Variants in PMFBP1 observed in about 807,000 individuals in gnomAD.
PMFBP1 encodes polyamine-modulated factor 1-binding protein 1.
Under a neutral mutation model 137.8 loss-of-function variants are expected in PMFBP1, and 131 were observed. The observed-to-expected ratio is 0.95, with a 90% CI of 0.82 to 1.10. The LOEUF (loss-of-function observed/expected upper bound fraction) is 1.10. Among genes scored for constraint, PMFBP1 ranks in the 50% least tolerant of loss-of-function variants. The pLI, the probability that PMFBP1 is intolerant of heterozygous loss-of-function variation, is 0.00. For missense variants in PMFBP1, 1,199 were observed against 1,175.4 expected (o/e 1.02, Z -0.29); for synonymous variants, 490 against 450.4 (o/e 1.09, Z -1.11).
intron 5 of PMFBP1, among the ~76,000 whole-genome samples, chr16:72,148,241 A>G (rs1187431889): frequency 6.6e-6 from 1 of 152,114 alleles, no homozygotes; most frequent in Non-Finnish European, 1.5e-5. Flanking sequence ...GAAACTGGAA[A>G]CCATCATTCT....
chr16:72,177,706 T>C (rs920186129), upstream of PMFBP1, among the ~76,000 whole-genome samples: 1 of 152,240 alleles, frequency 6.6e-6, no homozygotes, highest in Non-Finnish European at 1.5e-5. Flanking sequence ...ACCAGTTTTT[T>C]CACTAATGTC....
At chr16:72,195,335 C>T in the PMFBP1 span, among the ~76,000 whole-genome samples, 1 of 152,036 alleles carries the variant, frequency 6.6e-6, no homozygotes, top group Non-Finnish European at 1.5e-5. Context: ...CTCCTTTTCA[C>T]AGATGTCAGA....
intron 3 of PMFBP1, chr16:72,164,359 G>A (rs1290129547): frequency 1.6e-6 from 2 of 1,256,108 alleles, no homozygotes. Context: ...CTACCCCAAT[G>A]GACACTGATA....
chr16:72,167,853 G>C (rs987764058), intron 2 of PMFBP1, among the ~76,000 whole-genome samples: 1 of 152,130 alleles, frequency 6.6e-6, no homozygotes, highest in Non-Finnish European at 1.5e-5. Context: ...GCACACTGAG[G>C]GCTCACTAAC....
intron 14 of PMFBP1, among the ~76,000 whole-genome samples, chr16:72,127,761 C>T (rs2042483597): frequency 6.6e-6 from 1 of 152,252 alleles, no homozygotes; most frequent in African/African-American, 2.4e-5. Context: ...ATTGATTCCT[C>T]ACTTTCTCTC....
intron 5 of PMFBP1, 51 bp downstream of exon 5, chr16:72,150,557 C>G: frequency 6.3e-7 from 1 of 1,575,836 alleles, no homozygotes; most frequent in Middle Eastern, 2.3e-4. Flanking sequence ...GAGGGGACCA[C>G]CTGGGAGCAC....
chr16:72,214,848 A>G, the PMFBP1 span, among the ~76,000 whole-genome samples: 13 of 152,220 alleles, frequency 8.5e-5, no homozygotes, highest in Non-Finnish European at 1.3e-4. Context: ...GACTTTAGCA[A>G]TGTATCTAAA....
At chr16:72,195,632 G>A in the PMFBP1 span, among the ~76,000 whole-genome samples, 5 of 152,206 alleles carry the variant, frequency 3.3e-5, no homozygotes, top group Admixed American at 3.3e-4. Context: ...AGACCTGGAC[G>A]TTATCTCCAG....
chr16:72,248,888 G>C, the PMFBP1 span, among the ~76,000 whole-genome samples: 1 of 152,210 alleles, frequency 6.6e-6, no homozygotes, highest in Admixed American at 6.5e-5. Context: ...ATCCATGGGA[G>C]GGCTGCACAT....
chr16:72,238,730 C>T, the PMFBP1 span, among the ~76,000 whole-genome samples: 1 of 152,152 alleles, frequency 6.6e-6, no homozygotes, highest in Non-Finnish European at 1.5e-5. Flanking sequence ...AAGATTGTCT[C>T]CAAAACATGG....
At chr16:72,241,786 T>C in the PMFBP1 span, among the ~76,000 whole-genome samples, 1 of 152,194 alleles carries the variant, frequency 6.6e-6, no homozygotes, top group African/African-American at 2.4e-5. Context: ...TGTATTAGGT[T>C]ATTTAATGGA....
rs756592615 is a variant in PMFBP1, at chr16:72,120,148, T to A, written c.2769-59A>T. On this transcript the variant is annotated intron_variant, in intron 19 of 20. Transcript: ENST00000237353. ...GGGCTGCTGGCTCTGGTTGGTTCCCTGCTAGAAAGGACAGATAAAGGTGTC... is the reference window on the plus strand; with the variant it reads ...GGGCTGCTGGCTCTGGTTGGTTCCCAGCTAGAAAGGACAGATAAAGGTGTC... 22 of 1,611,590 alleles carry A rather than the reference T, an allele frequency of 1.4e-5. No homozygotes were observed. In the South Asian group the frequency reaches 2.2e-4, roughly 16 times the overall value.
At chr16:72,243,980 T>G in the PMFBP1 span, among the ~76,000 whole-genome samples, 3 of 152,152 alleles carry the variant, frequency 2.0e-5, no homozygotes, top group African/African-American at 7.2e-5. Context: ...TAGAGATAAT[T>G]TCCAATTTTC....
At chr16:72,197,199 G>T in the PMFBP1 span, among the ~76,000 whole-genome samples, 1 of 152,272 alleles carries the variant, frequency 6.6e-6, no homozygotes, top group Non-Finnish European at 1.5e-5. Context: ...TGTGAGTCAT[G>T]GGATGCCCTC....
At chr16:72,185,404 T>C in the PMFBP1 span, among the ~76,000 whole-genome samples, 1 of 152,102 alleles carries the variant, frequency 6.6e-6, no homozygotes, top group Non-Finnish European at 1.5e-5. Context: ...TTCAGTTTCT[T>C]GGACACACAC....
intron 3 of PMFBP1, among the ~76,000 whole-genome samples, chr16:72,160,130 T>G (rs2043040282): frequency 6.6e-6 from 1 of 152,366 alleles, no homozygotes; most frequent in Admixed American, 6.5e-5. Flanking sequence ...CTTCCTTGCC[T>G]ATGTGGCCAC....
rs372757611 is a variant in PMFBP1, at chr16:72,165,534, T to C, written c.13-618A>G. On this transcript the variant is annotated intron_variant, in intron 2 of 20. Coordinates refer to ENST00000237353, the MANE Select transcript of PMFBP1 (RefSeq NM_031293.3). ...GGTTTACTTAAACCATTCTCCTGCC[T>C]CAGCCTCCTGAGTAGTTGGGACTAC... 2.0e-4 allele frequency among the ~76,000 whole-genome samples: 31 copies of C among 152,080 alleles called. 2 individuals carry two copies. Among genetic ancestry groups the C allele is most frequent in the Admixed American group, 1.0e-3 (16 of 15,278 alleles).
chr16:72,198,640 T>C, the PMFBP1 span, among the ~76,000 whole-genome samples: 5 of 151,982 alleles, frequency 3.3e-5, no homozygotes, highest in African/African-American at 1.2e-4. Flanking sequence ...TCAGTAGTAG[T>C]TTTTTCTCCC....
rs371081685 is a variant in PMFBP1, at chr16:72,140,361, A to G, written c.807+51T>C. ...CTCTTTTCCCCTCCTTTCTCTCCCC[A>G]TGTCTTGATTGAGGGTCTCCCAGAG... On this transcript the variant is annotated intron_variant, in intron 6 of 20. Coordinates refer to ENST00000237353, the MANE Select transcript of PMFBP1 (RefSeq NM_031293.3). 6 of 1,527,628 alleles carry G rather than the reference A, an allele frequency of 3.9e-6. No homozygotes were observed. The African/African-American group carries it at 6.9e-5, about 17-fold the overall frequency. The allele number at this position is 1,527,628 out of a possible 1,614,324, so 94.6% of individuals were successfully genotyped here.
Sources: gnomAD v4.1 joint callset for allele counts (sites outside exome capture counted in the v4.1 genomes callset) on GRCh38, gnomAD v4.1.1 for gene constraint, MANE v1.5 for transcripts, NCBI Gene and HGNC (gene_info 2026-07-23, HGNC 2026-07-21) for gene names.